Variants in NBEAL1 observed in about 807,000 individuals in gnomAD.
The protein encoded by NBEAL1 is neurobeachin-like protein 1.
NBEAL1 carries 273 observed loss-of-function variants against 351.3 expected under a neutral mutation model. That is an observed-to-expected ratio of 0.78 (90% CI 0.70 to 0.86). NBEAL1 has a LOEUF of 0.86. Among genes scored for constraint, NBEAL1 ranks in the 40% least tolerant of loss-of-function variants. The probability of loss-of-function intolerance (pLI) is 0.00; values close to 1 mark genes in which losing one functional copy is unlikely to be tolerated. For missense variants in NBEAL1, 2,961 were observed against 3,201.3 expected (o/e 0.92, Z 1.81); for synonymous variants, 1,050 against 1,086.4 (o/e 0.97, Z 0.66).
chr2:203,194,285 T>C (rs1472342675), intron 47 of NBEAL1, among the ~76,000 whole-genome samples: 1 of 152,210 alleles, frequency 6.6e-6, no homozygotes, highest in African/African-American at 2.4e-5. Context: ...AGTCCATTGT[T>C]AATTGATAGA....
intron 2 of NBEAL1, among the ~76,000 whole-genome samples, chr2:203,022,116 C>T (rs534010491): frequency 6.6e-6 from 1 of 151,858 alleles, no homozygotes; most frequent in East Asian, 1.9e-4. Context: ...CAACTGCAAC[C>T]CTTGGACAGA....
chr2:203,046,887 C>A (rs995746827), intron 3 of NBEAL1, among the ~76,000 whole-genome samples: 32 of 152,122 alleles, frequency 2.1e-4, no homozygotes, highest in African/African-American at 7.2e-4. Flanking sequence ...AAAAAGTAGA[C>A]ATATAGGTCG....
rs576751119 is a variant in NBEAL1 at position 203,108,251 on chromosome 2, A to G, written c.1949+63A>G. 5.4e-5 allele frequency: 67 copies of G among 1,251,760 alleles called. No homozygotes were observed. The East Asian group carries it at 1.5e-3, about 28-fold the overall frequency. 77.5% of individuals were successfully genotyped at this position (1,251,760 alleles called of 1,614,324 possible). A position where few individuals can be genotyped will look rare whatever the true frequency, so the allele number is the denominator to read the frequency against. ...CATAACAATATATGCTGTGATTCTT[A>G]AACAGGAAAACTGTTTCCAAGCATC... On this transcript the variant is annotated intron_variant, in intron 14 of 55. Transcript: ENST00000683969.
intron 11 of NBEAL1, among the ~76,000 whole-genome samples, chr2:203,098,979 A>G (rs2062245123): frequency 6.6e-6 from 1 of 152,176 alleles, no homozygotes; most frequent in South Asian, 2.1e-4. Flanking sequence ...GAATTAAAAC[A>G]TAATAGGATT....
intron 47 of NBEAL1, among the ~76,000 whole-genome samples, chr2:203,195,156 T>G (rs4675322): frequency 0.89 from 134,162 of 151,000 alleles, 60,604 homozygotes; most frequent in Non-Finnish European, 0.96. Context: ...ATCACGCCAC[T>G]GCACTCAGAG....
At chr2:203,181,187 C>G (rs887225057) in intron 43 of NBEAL1, 1 of 151,894 alleles carries the variant, frequency 6.6e-6, no homozygotes, top group Non-Finnish European at 1.5e-5. Flanking sequence ...CCACCTTGGC[C>G]TCCCAAAGTG....
At chr2:203,137,759 G>T (rs561981005) in intron 29 of NBEAL1, among the ~76,000 whole-genome samples, 2 of 152,242 alleles carry the variant, frequency 1.3e-5, no homozygotes, top group East Asian at 3.9e-4. Context: ...TAAGGCAGGT[G>T]GATCACCTGA....
chr2:203,126,870 T>C lies in NBEAL1; in HGVS notation c.3192T>C (p.Val1064=). 6.4e-7 allele frequency: 1 copy of C among 1,552,948 alleles called. No homozygotes were observed. Among genetic ancestry groups the C allele is most frequent in the Non-Finnish European group, 8.7e-7 (1 of 1,147,182 alleles). The change falls in exon 23 of 56, where the codon GTT becomes GTC. Residue 1064 remains valine, a synonymous_variant. Coordinates refer to ENST00000683969, the MANE Select transcript of NBEAL1 (RefSeq NM_001378026.1). ...CCATCATTAAAGACAGCAGGAGAGT[T>C]TTCCGAAAGAAGTATGGTGTGCAGT... ...LSTIIKDSRR[V]FRKKYGVQFL...
At chr2:203,216,059 A>G (rs2065891421) in intron 55 of NBEAL1, among the ~76,000 whole-genome samples, 1 of 151,514 alleles carries the variant, frequency 6.6e-6, no homozygotes. Context: ...AGTAGGTTGC[A>G]CTTGAGAAAG....
At chr2:203,022,135 C>T (rs1372851101) in intron 2 of NBEAL1, among the ~76,000 whole-genome samples, 1 of 151,990 alleles carries the variant, frequency 6.6e-6, no homozygotes, top group South Asian at 2.1e-4. Context: ...GACTTAAGGA[C>T]GTATTTCTAT....
intron 7 of NBEAL1, among the ~76,000 whole-genome samples, chr2:203,074,455 G>C (rs1574933444): frequency 6.6e-6 from 1 of 151,206 alleles, no homozygotes; most frequent in African/African-American, 2.4e-5. Flanking sequence ...AGCCTCTCGA[G>C]TAGCTGGGAT....
intron 51 of NBEAL1, among the ~76,000 whole-genome samples, chr2:203,208,219 G>A (rs1001128898): frequency 5.9e-5 from 9 of 152,018 alleles, no homozygotes; most frequent in African/African-American, 1.7e-4. Context: ...CCAGGAGGTC[G>A]AGGCTACAGT....
At chr2:203,117,539 AT>A (rs2062728102) in intron 18 of NBEAL1, among the ~76,000 whole-genome samples, 1 of 152,250 alleles carries the variant, frequency 6.6e-6, no homozygotes, top group South Asian at 2.1e-4. Context: ...AATGGAAGCA[AT>A]TAATATTTTT....
chr2:203,186,441 G>A (rs1021884048), intron 44 of NBEAL1, among the ~76,000 whole-genome samples: 1 of 152,120 alleles, frequency 6.6e-6, no homozygotes, highest in Non-Finnish European at 1.5e-5. Context: ...AAAGCAGGAG[G>A]CTCCTAGCAG....
Position 203,213,653 on chromosome 2 carries a change from G to T in NBEAL1, c.8070G>T (p.Glu2690Asp). The change falls in exon 55 of 56, where the codon GAG becomes GAT. Residue 2690 changes from glutamate (E) to aspartate (D), a missense_variant and splice_region_variant. Transcript: ENST00000683969. ...LIVVGVGKPA[E>D]MRSGQLSRKF... ...TAGTGGGTGTTGGCAAGCCTGCTGA[G>T]GTAAAACCTAGCATCAGTAATTTCA... is the stretch of plus-strand genomic sequence containing the variant. 6.2e-7 allele frequency: 1 copy of T among 1,613,636 alleles called. No homozygotes were observed. The highest frequency in any genetic ancestry group is 1.1e-5 in the South Asian group (1 of 90,954).
rs755570596 is a variant in NBEAL1, at chr2:203,133,055, T to A, written c.3725-3T>A. ...TTTTAACTTTTTGTTTTTCCTACCA[T>A]AGATCCTGTTATTAATTTCAAAGAT... On this transcript the variant is annotated splice_region_variant and splice_polypyrimidine_tract_variant and intron_variant, in intron 26 of 55. Transcript: ENST00000683969. 8 of 1,398,280 alleles carry A rather than the reference T, an allele frequency of 5.7e-6. No individual in the cohort carries two copies. Among genetic ancestry groups the A allele is most frequent in the Non-Finnish European group, 7.8e-6 (8 of 1,022,366 alleles). 86.6% of individuals were successfully genotyped at this position (1,398,280 alleles called of 1,614,324 possible).
At chr2:203,068,761 C>T (rs368644932) in intron 7 of NBEAL1, among the ~76,000 whole-genome samples, 27 of 152,278 alleles carry the variant, frequency 1.8e-4, no homozygotes, top group African/African-American at 5.5e-4. Context: ...CGAAGTCACA[C>T]GCTTGTTGCC....
chr2:203,205,829 T>C (rs954282797), intron 51 of NBEAL1, among the ~76,000 whole-genome samples: 1 of 152,220 alleles, frequency 6.6e-6, no homozygotes, highest in Non-Finnish European at 1.5e-5. Context: ...TTACCTGAGT[T>C]TTAAAAGTTA....
chr2:203,033,070 G>A (rs2060977356), intron 2 of NBEAL1, among the ~76,000 whole-genome samples: 1 of 151,134 alleles, frequency 6.6e-6, no homozygotes, highest in African/African-American at 2.4e-5. Context: ...GCGCGATCTC[G>A]GCTCACTGCA....
Sources: gnomAD v4.1 joint callset for allele counts (sites outside exome capture counted in the v4.1 genomes callset) on GRCh38, gnomAD v4.1.1 for gene constraint, MANE v1.5 for transcripts, NCBI Gene and HGNC (gene_info 2026-07-23, HGNC 2026-07-21) for gene names.